The following TLL1 variants were observed in gnomAD, a reference collection of about 807,000 sequenced individuals.
TLL1 encodes tolloid-like protein 1.
In TLL1, 49 loss-of-function variants were observed where a neutral mutation model predicts 128.2. That is an observed-to-expected ratio of 0.38 (90% CI 0.30 to 0.48). The LOEUF (loss-of-function observed/expected upper bound fraction) is 0.48. Among genes scored for constraint, TLL1 ranks in the 20% least tolerant of loss-of-function variants. The pLI is 0.96. For synonymous variants in TLL1, 454 were observed against 418.8 expected, an observed-to-expected ratio of 1.08 and a Z score of -1.03; for missense variants, 1,123 against 1,242.0, an observed-to-expected ratio of 0.90 and a Z score of 1.44.
chr4:165,954,926 G>A (rs1734709607), intron 1 of TLL1, among the ~76,000 whole-genome samples: 1 of 152,068 alleles, frequency 6.6e-6, no homozygotes, highest in African/African-American at 2.4e-5. Flanking sequence ...CCTCCAAGCT[G>A]TCACACTAGG....
intron 1 of TLL1, among the ~76,000 whole-genome samples, chr4:165,954,910 T>C (rs1446516718): frequency 6.6e-6 from 1 of 152,050 alleles, no homozygotes; most frequent in Non-Finnish European, 1.5e-5. Context: ...TAAGAGTGTC[T>C]CCTTACCTCC....
chr4:165,979,799 G>A (rs1382447678), intron 1 of TLL1, among the ~76,000 whole-genome samples: 1 of 151,972 alleles, frequency 6.6e-6, no homozygotes. Context: ...CTACATAAAT[G>A]AACAAATAAA....
rs570318259 is a variant in TLL1 at position 165,913,387 on chromosome 4, G to A, written c.169+39314G>A. On this transcript the variant is annotated intron_variant, in intron 1 of 20. Coordinates refer to ENST00000061240, the MANE Select transcript of TLL1 (RefSeq NM_012464.5). ...TTGGTATCTCATACTGTTTCTCAGAGACAGCATATATATGTTAGTTTTTGA... is the reference window on the plus strand; with the variant it reads ...TTGGTATCTCATACTGTTTCTCAGAAACAGCATATATATGTTAGTTTTTGA... Among the ~76,000 whole-genome samples the A allele has an allele frequency of 2.0e-5, 3 of 152,274 alleles. No homozygotes were observed. The South Asian group carries it at 6.2e-4, about 32-fold the overall frequency.
intron 1 of TLL1, among the ~76,000 whole-genome samples, chr4:165,891,109 C>T (rs1731382228): frequency 6.6e-6 from 1 of 152,014 alleles, no homozygotes; most frequent in African/African-American, 2.4e-5. Flanking sequence ...AGCCACGGTT[C>T]AGATGCAAGT....
At chr4:165,970,805 G>A (rs1017490892) in intron 1 of TLL1, among the ~76,000 whole-genome samples, 3 of 152,134 alleles carry the variant, frequency 2.0e-5, no homozygotes, top group Non-Finnish European at 2.9e-5. Context: ...ACACTGATAC[G>A]TGCAAAATCA....
intron 6 of TLL1, among the ~76,000 whole-genome samples, chr4:166,005,015 A>C (rs1213696792): frequency 6.6e-6 from 1 of 152,010 alleles, no homozygotes; most frequent in Non-Finnish European, 1.5e-5. Context: ...GAGGTGACTA[A>C]GTTCTTAGGG....
chr4:165,898,385 T>C (rs1731789868), intron 1 of TLL1, among the ~76,000 whole-genome samples: 2 of 152,230 alleles, frequency 1.3e-5, no homozygotes, highest in African/African-American at 4.8e-5. Context: ...ATAGCTCTTA[T>C]TATTTTGAGA....
chr4:165,979,831 T>C (rs1264827410), intron 1 of TLL1, among the ~76,000 whole-genome samples: 1 of 152,074 alleles, frequency 6.6e-6, no homozygotes, highest in African/African-American at 2.4e-5. Flanking sequence ...TTGAGGCAAA[T>C]TTTGCAAGCT....
intron 1 of TLL1, among the ~76,000 whole-genome samples, chr4:165,886,559 G>T (rs1273993427): frequency 6.6e-6 from 1 of 152,118 alleles, no homozygotes; most frequent in East Asian, 1.9e-4. Flanking sequence ...ATTCATGGGG[G>T]ATTAGTTCCA....
At position 166,038,320 on chromosome 4, in the gene TLL1, G is replaced by C. The variant is rs144756637; in HGVS notation, c.1159-1019G>C. On this transcript the variant is annotated intron_variant, in intron 9 of 20. Coordinates refer to ENST00000061240, the MANE Select transcript of TLL1 (RefSeq NM_012464.5). ...TTGTATTTTCACAAAAGGGATTTTT[G>C]AATATTGCTACAAACTATAGTTTTG... 2.0e-4 allele frequency among the ~76,000 whole-genome samples: 30 copies of C among 151,332 alleles called. No individual in the cohort carries two copies. In the East Asian group the frequency reaches 5.5e-3, roughly 28 times the overall value.
At chr4:165,924,244 G>A (rs1008077118) in intron 1 of TLL1, among the ~76,000 whole-genome samples, 6 of 152,156 alleles carry the variant, frequency 3.9e-5, no homozygotes, top group Admixed American at 6.5e-5. Context: ...TATGTCCAAA[G>A]CCGAGATAGG....
intron 7 of TLL1, among the ~76,000 whole-genome samples, chr4:166,009,557 G>C (rs1044018220): frequency 4.0e-5 from 6 of 151,258 alleles, no homozygotes; most frequent in African/African-American, 1.5e-4. Flanking sequence ...ATGCCAATCA[G>C]CCTTTGTTTA....
intron 17 of TLL1, among the ~76,000 whole-genome samples, chr4:166,077,301 C>T (rs1741078707): frequency 6.6e-6 from 1 of 151,058 alleles, no homozygotes; most frequent in African/African-American, 2.4e-5. Flanking sequence ...TCAGAAGCAT[C>T]TCCAGGGCTA....
chr4:165,960,300 G>T (rs1037502204), intron 1 of TLL1, among the ~76,000 whole-genome samples: 6 of 152,008 alleles, frequency 3.9e-5, no homozygotes, highest in Non-Finnish European at 8.8e-5. Flanking sequence ...ATAATGAATT[G>T]TGAAACTGAA....
At chr4:165,915,753 G>A (rs1732748795) in intron 1 of TLL1, among the ~76,000 whole-genome samples, 2 of 152,138 alleles carry the variant, frequency 1.3e-5, no homozygotes, top group Non-Finnish European at 2.9e-5. Flanking sequence ...ATTGATCTCA[G>A]CAGGAATTGT....
At chr4:166,014,935 T>C (rs1737866915) in intron 8 of TLL1, among the ~76,000 whole-genome samples, 1 of 151,990 alleles carries the variant, frequency 6.6e-6, no homozygotes, top group Non-Finnish European at 1.5e-5. Flanking sequence ...AACTTCAGAA[T>C]TGGATCCTGG....
chr4:165,979,384 ATAT>A (rs776391553), intron 1 of TLL1, among the ~76,000 whole-genome samples: 2 of 152,124 alleles, frequency 1.3e-5, no homozygotes, highest in Non-Finnish European at 2.9e-5. Context: ...TATATATTAA[ATAT>A]TATGCAAAAT....
chr4:166,007,230 A>G (rs762279389), intron 6 of TLL1, among the ~76,000 whole-genome samples: 1 of 151,730 alleles, frequency 6.6e-6, no homozygotes, highest in Non-Finnish European at 1.5e-5. Flanking sequence ...ATAATACTAC[A>G]ATACAGATAC....
intron 5 of TLL1, among the ~76,000 whole-genome samples, chr4:166,000,542 C>G (rs2111028922): frequency 6.6e-6 from 1 of 152,228 alleles, no homozygotes; most frequent in East Asian, 1.9e-4. Flanking sequence ...GACCACATTG[C>G]TTTACTGTCT....
Sources: allele counts gnomAD v4.1 joint callset (sites outside exome capture counted in the v4.1 genomes callset), GRCh38; gene constraint gnomAD v4.1.1; transcripts MANE v1.5; gene names NCBI Gene and HGNC (gene_info 2026-07-23, HGNC 2026-07-21).